Variants in ST6GALNAC3 observed in about 807,000 individuals in gnomAD.
ST6GALNAC3 encodes the protein alpha-N-acetylgalactosaminide alpha-2,6-sialyltransferase 3.
In ST6GALNAC3, 25 loss-of-function variants were observed where a neutral mutation model predicts 32.7. That is an observed-to-expected ratio of 0.76 (90% confidence interval 0.56 to 1.07). ST6GALNAC3 has a LOEUF of 1.07. ST6GALNAC3 is among the 50% of genes least tolerant of loss of function. The probability of loss-of-function intolerance (pLI) is 0.00; values close to 1 mark genes in which losing one functional copy is unlikely to be tolerated. For synonymous variants in ST6GALNAC3, 129 were observed against 133.1 expected (o/e 0.97, Z 0.21); for missense variants, 355 against 382.4 (o/e 0.93, Z 0.60).
intron 1 of ST6GALNAC3, among the ~76,000 whole-genome samples, chr1:76,172,671 A>C (rs1217618184): frequency 6.6e-6 from 1 of 152,206 alleles, no homozygotes; most frequent in Non-Finnish European, 1.5e-5. Context: ...CAAAAATCAC[A>C]AGTATTCCTT....
intron 3 of ST6GALNAC3, among the ~76,000 whole-genome samples, chr1:76,520,483 C>CACAT (rs1026916106): frequency 6.6e-6 from 1 of 152,116 alleles, no homozygotes; most frequent in African/African-American, 2.4e-5. Flanking sequence ...CACACATACA[C>CACAT]ACATACACAC....
At chr1:76,522,210 T>A (rs1662585776) in intron 3 of ST6GALNAC3, among the ~76,000 whole-genome samples, 1 of 152,204 alleles carries the variant, frequency 6.6e-6, no homozygotes, top group Admixed American at 6.5e-5. Context: ...TTGCTTCTTT[T>A]ATGATTTATT....
At chr1:76,136,656 G>T (rs1649966722) in intron 1 of ST6GALNAC3, among the ~76,000 whole-genome samples, 1 of 152,180 alleles carries the variant, frequency 6.6e-6, no homozygotes, top group African/African-American at 2.4e-5. Flanking sequence ...TTAAATATCA[G>T]AACTGGGGAG....
chr1:76,523,654 C>T (rs1662691150), intron 3 of ST6GALNAC3, among the ~76,000 whole-genome samples: 2 of 152,136 alleles, frequency 1.3e-5, no homozygotes, highest in Admixed American at 1.3e-4. Context: ...CATTCACTAG[C>T]TCATTCATCC....
At chr1:76,418,090 T>C (rs1036812219) in intron 3 of ST6GALNAC3, among the ~76,000 whole-genome samples, 1 of 152,136 alleles carries the variant, frequency 6.6e-6, no homozygotes, top group African/African-American at 2.4e-5. Context: ...AAATCAGCGA[T>C]GTGTCATTCC....
chr1:76,391,142 G>A (rs544138281), intron 2 of ST6GALNAC3, among the ~76,000 whole-genome samples: 88 of 151,896 alleles, frequency 5.8e-4, no homozygotes, highest in African/African-American at 2.0e-3. Flanking sequence ...GAGTTTCACC[G>A]TGTTAGCCAG....
chr1:76,261,290 C>T (rs1658220166), intron 1 of ST6GALNAC3, among the ~76,000 whole-genome samples: 1 of 152,082 alleles, frequency 6.6e-6, no homozygotes, highest in African/African-American at 2.4e-5. Context: ...TTGGATATGC[C>T]ATAATCTACT....
intron 2 of ST6GALNAC3, among the ~76,000 whole-genome samples, chr1:76,388,518 C>T (rs959657211): frequency 2.0e-5 from 3 of 152,194 alleles, no homozygotes; most frequent in Non-Finnish European, 4.4e-5. Context: ...GTAAGGTTCT[C>T]ACAGTACTGG....
chr1:76,212,750 A>G (rs577911862), intron 1 of ST6GALNAC3, among the ~76,000 whole-genome samples: 2 of 152,210 alleles, frequency 1.3e-5, no homozygotes, highest in Non-Finnish European at 2.9e-5. Flanking sequence ...TTGGGAATTA[A>G]TCATGAAATG....
At chr1:76,322,812 C>T (rs923201202) in intron 2 of ST6GALNAC3, among the ~76,000 whole-genome samples, 8 of 145,604 alleles carry the variant, frequency 5.5e-5, no homozygotes, top group African/African-American at 7.7e-5. Flanking sequence ...GACTAATAGG[C>T]ATTTGCCAAG....
chr1:76,182,747 T>C (rs7532337), intron 1 of ST6GALNAC3, among the ~76,000 whole-genome samples: 29,944 of 152,136 alleles, frequency 0.2, 3,074 homozygotes, highest in African/African-American at 0.22. Context: ...ACACTTGATA[T>C]ACTGGTTGAT....
chr1:76,471,089 A>G (rs1658995223), intron 3 of ST6GALNAC3, among the ~76,000 whole-genome samples: 1 of 152,064 alleles, frequency 6.6e-6, no homozygotes, highest in South Asian at 2.1e-4. Flanking sequence ...TTTATCATCT[A>G]TTGATTAAAA....
At chr1:76,300,879 C>A (rs1211551827) in intron 1 of ST6GALNAC3, among the ~76,000 whole-genome samples, 1 of 151,662 alleles carries the variant, frequency 6.6e-6, no homozygotes, top group African/African-American at 2.4e-5. Context: ...GAGGAGACAA[C>A]ATTTGAATTT....
At chr1:76,415,763 A>G (rs1206476597) in intron 3 of ST6GALNAC3, among the ~76,000 whole-genome samples, 2 of 152,102 alleles carry the variant, frequency 1.3e-5, no homozygotes, top group African/African-American at 4.8e-5. Context: ...AAGAGAGCAT[A>G]ATATTAGCAC....
chr1:76,162,486 G>T (rs1004274277), intron 1 of ST6GALNAC3, among the ~76,000 whole-genome samples: 1 of 152,170 alleles, frequency 6.6e-6, no homozygotes, highest in South Asian at 2.1e-4. Flanking sequence ...TGCAGGACGC[G>T]GGTGAGTTAA....
intron 2 of ST6GALNAC3, among the ~76,000 whole-genome samples, chr1:76,403,257 T>G (rs1229985007): frequency 6.6e-6 from 1 of 152,122 alleles, no homozygotes; most frequent in Non-Finnish European, 1.5e-5. Flanking sequence ...GAAGTTCTCA[T>G]GCTTGGCACT....
chr1:76,335,638 T>C (rs1255936933), intron 2 of ST6GALNAC3, among the ~76,000 whole-genome samples: 1 of 152,186 alleles, frequency 6.6e-6, no homozygotes, highest in Non-Finnish European at 1.5e-5. Context: ...ATGAACATAA[T>C]GAAATGCTGT....
rs115305472 is a variant in ST6GALNAC3 at position 76,438,532 on chromosome 1, C to T, written c.623+26115C>T. Among the ~76,000 whole-genome samples, 686 of 152,318 alleles carry T rather than the reference C, an allele frequency of 4.5e-3. 5 individuals are homozygous for T. Among genetic ancestry groups the T allele is most frequent in the Non-Finnish European group, 6.4e-3 (438 of 68,020 alleles). On this transcript the variant is annotated intron_variant, in intron 3 of 4. Coordinates refer to ENST00000328299, the MANE Select transcript of ST6GALNAC3 (RefSeq NM_152996.4). ...ATGAGATTCACATCTGTAGGTTCTGCCTTTCTTATATAAGGTAGGATAAAA... is the reference window on the plus strand; with the variant it reads ...ATGAGATTCACATCTGTAGGTTCTGTCTTTCTTATATAAGGTAGGATAAAA...
chr1:76,303,911 A>G (rs1468984858), intron 1 of ST6GALNAC3, among the ~76,000 whole-genome samples: 2 of 151,842 alleles, frequency 1.3e-5, no homozygotes, highest in African/African-American at 4.8e-5. Flanking sequence ...TTCTCTTTAT[A>G]TTTTAAATTT....
Sources: allele counts gnomAD v4.1 joint callset (sites outside exome capture counted in the v4.1 genomes callset), GRCh38; gene constraint gnomAD v4.1.1; transcripts MANE v1.5; gene names NCBI Gene and HGNC (gene_info 2026-07-23, HGNC 2026-07-21).